Variants in ST3GAL3 observed in about 807,000 individuals in gnomAD.
ST3GAL3 encodes CMP-N-acetylneuraminate-beta-1,4-galactoside alpha-2,3-sialyltransferase.
Under a neutral mutation model 50.1 loss-of-function variants are expected in ST3GAL3, and 21 were observed. That is an observed-to-expected ratio of 0.42 (90% confidence interval 0.30 to 0.60). ST3GAL3 has a LOEUF of 0.60. ST3GAL3 is among the 20% of genes least tolerant of loss of function. The pLI is 0.19. For missense variants in ST3GAL3, 353 were observed against 489.4 expected, an observed-to-expected ratio of 0.72 and a Z score of 2.63; for synonymous variants, 183 against 190.0, an observed-to-expected ratio of 0.96 and a Z score of 0.30.
chr1:43,767,397 T>C (rs917378372), intron 2 of ST3GAL3, among the ~76,000 whole-genome samples: 10 of 152,196 alleles, frequency 6.6e-5, no homozygotes, highest in Admixed American at 6.5e-4. Flanking sequence ...ACAAAGGTCC[T>C]TCTTTATATG....
chr1:43,724,623 C>T (rs1437319909), intron 1 of ST3GAL3, among the ~76,000 whole-genome samples: 2 of 152,040 alleles, frequency 1.3e-5, no homozygotes, highest in Non-Finnish European at 2.9e-5. Flanking sequence ...TAATTATCTG[C>T]AGAGGCAGAA....
At chr1:43,792,057 A>G in intron 2 of ST3GAL3, 45 bp from the exon 3 acceptor site, 1 of 1,613,374 alleles carries the variant, frequency 6.2e-7, no homozygotes, top group Non-Finnish European at 8.5e-7. Flanking sequence ...TTGCTTTTTT[A>G]TTATAAGAAG....
intron 11 of ST3GAL3, among the ~76,000 whole-genome samples, chr1:43,924,100 GA>G (rs2083501828): frequency 6.6e-6 from 1 of 152,124 alleles, no homozygotes; most frequent in South Asian, 2.1e-4. Flanking sequence ...AAGTGATTGG[GA>G]GTTATTTCAA....
intron 4 of ST3GAL3, among the ~76,000 whole-genome samples, chr1:43,817,676 CTTCTCCT>C (rs2061525030): frequency 7.6e-6 from 1 of 132,428 alleles, no homozygotes; most frequent in African/African-American, 2.8e-5. Context: ...CTCCTTCTTC[CTTCTCCT>C]TCCTTCTTCT....
At chr1:43,756,116 A>AAAAAAAAAAAAAAG (rs763780680) in intron 2 of ST3GAL3, among the ~76,000 whole-genome samples, 29 of 136,798 alleles carry the variant, frequency 2.1e-4, no homozygotes, top group Non-Finnish European at 3.1e-4. Flanking sequence ...AAAAAAAAAA[A>AAAAAAAAAAAAAAG]AAGAAGAAGA....
At chr1:43,751,297 T>C (rs913617083) in intron 2 of ST3GAL3, among the ~76,000 whole-genome samples, 5 of 152,206 alleles carry the variant, frequency 3.3e-5, no homozygotes, top group African/African-American at 1.2e-4. Flanking sequence ...TTATATAATA[T>C]AAGTGGGTTC....
intron 3 of ST3GAL3, among the ~76,000 whole-genome samples, chr1:43,811,307 T>C (rs2060529762): frequency 1.3e-5 from 2 of 152,252 alleles, no homozygotes; most frequent in South Asian, 2.1e-4. Flanking sequence ...GTGATTGCTG[T>C]TGGAGGGAGA....
chr1:43,743,620 AG>A (rs1682068747), intron 2 of ST3GAL3: 1 of 302,372 alleles, frequency 3.3e-6, no homozygotes, highest in Non-Finnish European at 6.6e-6. Flanking sequence ...CCCATTTGAC[AG>A]GTGGCCAATC....
intron 3 of ST3GAL3, chr1:43,801,523 C>G (rs1334850339): frequency 2.7e-6 from 1 of 365,222 alleles, no homozygotes; most frequent in African/African-American, 2.1e-5. Context: ...GCCTGGTGCT[C>G]CCAACTGCAC....
chr1:43,847,718 A>G (rs557887875), intron 5 of ST3GAL3, among the ~76,000 whole-genome samples: 1 of 152,360 alleles, frequency 6.6e-6, no homozygotes, highest in Admixed American at 6.5e-5. Flanking sequence ...GTTACACAAC[A>G]GTGTGAAAAT....
At chr1:43,727,381 A>T (rs1326499192) in intron 1 of ST3GAL3, 1 of 152,044 alleles carries the variant, frequency 6.6e-6, no homozygotes, top group Non-Finnish European at 1.5e-5. Context: ...CCCTGGAAGG[A>T]GAAAAGGGAG....
chr1:43,762,275 AAAAG>A (rs1405494538), intron 2 of ST3GAL3, among the ~76,000 whole-genome samples: 125 of 151,624 alleles, frequency 8.2e-4, no homozygotes, highest in Non-Finnish European at 1.4e-3. Context: ...AAAAAAAAAA[AAAAG>A]AAAGAAAAAC....
chr1:43,758,446 T>C (rs937955705), intron 2 of ST3GAL3, among the ~76,000 whole-genome samples: 2 of 151,894 alleles, frequency 1.3e-5, no homozygotes, highest in African/African-American at 4.8e-5. Context: ...AGAGACAGGG[T>C]TTTGCTATAT....
intron 11 of ST3GAL3, among the ~76,000 whole-genome samples, chr1:43,923,335 T>C (rs993055084): frequency 6.6e-6 from 1 of 151,804 alleles, no homozygotes; most frequent in African/African-American, 2.4e-5. Context: ...CTGCATGTTC[T>C]CTAGGAGATT....
intron 4 of ST3GAL3, among the ~76,000 whole-genome samples, chr1:43,824,538 CTG>C (rs1354078539): frequency 6.6e-6 from 1 of 152,180 alleles, no homozygotes; most frequent in Non-Finnish European, 1.5e-5. Flanking sequence ...ATGCAGAATT[CTG>C]TCTCTTCTAT....
intron 2 of ST3GAL3, among the ~76,000 whole-genome samples, chr1:43,773,078 A>G (rs544990039): frequency 1.3e-5 from 2 of 152,306 alleles, no homozygotes; most frequent in South Asian, 4.1e-4. Context: ...AAATCACTCT[A>G]TTTATGAATT....
At position 43,851,105 on chromosome 1, in the gene ST3GAL3, G is replaced by A. The variant is rs984357801; in HGVS notation, c.302+12794G>A. ...TCATCTGCAGTTTTTCTGCAGCGGG[G>A]CATAGTCCAGGTTTTAGGAGGAGCA... On this transcript the variant is annotated intron_variant, in intron 5 of 11. Transcript: ENST00000347631. 4.3e-5 allele frequency: 42 copies of A among 970,588 alleles called. No homozygotes were observed. The Admixed American group carries it at 7.0e-4, about 16-fold the overall frequency. 60.1% of individuals were successfully genotyped at this position (970,588 alleles called of 1,614,324 possible). A position where few individuals can be genotyped will look rare whatever the true frequency, so the allele number is the denominator to read the frequency against.
rs115003742 is a variant in ST3GAL3, at chr1:43,899,601, C to T, written c.618C>T (p.Arg206=). 2.3e-3 allele frequency: 3,663 copies of T among 1,614,140 alleles called. 7 individuals carry two copies. The highest frequency in any genetic ancestry group is 2.8e-3 in the Non-Finnish European group (3,275 of 1,180,018). ...ACGTGGGCAGCAAAACGACACTGCG[C>T]ATCACCTACCCCGAGGGCGCCATGC... ...EKDVGSKTTL[R]ITYPEGAMQR... is the part of the protein sequence containing the mutation. Residue 206 remains arginine, a synonymous_variant, in exon 9 of 12, where the codon CGC becomes CGT. Coordinates refer to ENST00000347631, the MANE Select transcript of ST3GAL3 (RefSeq NM_006279.5). The surrounding 1 kb of genome is among the most constrained non-coding windows in gnomAD (Gnocchi z 5.4).
At chr1:43,851,406 C>T in intron 5 of ST3GAL3, 3 of 1,611,106 alleles carry the variant, frequency 1.9e-6, no homozygotes, top group Non-Finnish European at 1.7e-6. Context: ...GTTGACCCCC[C>T]AGCACTGTGG....
Sources: gnomAD v4.1 joint callset for allele counts (sites outside exome capture counted in the v4.1 genomes callset) on GRCh38, gnomAD v4.1.1 for gene constraint, Gnocchi (gnomAD v3.1) non-coding constraint, MANE v1.5 for transcripts, NCBI Gene and HGNC (gene_info 2026-07-23, HGNC 2026-07-21) for gene names.